The following PARD3 variants were observed in gnomAD, a reference collection of about 807,000 sequenced individuals.
PARD3 encodes partitioning defective 3 homolog.
Under a neutral mutation model 155.4 loss-of-function variants are expected in PARD3, and 75 were observed. The observed-to-expected ratio is 0.48, with a 90% CI of 0.40 to 0.58. The LOEUF is 0.58. Among genes scored for constraint, PARD3 ranks in the 20% least tolerant of loss-of-function variants. PARD3 has a pLI of 0.00. For synonymous variants in PARD3, 576 were observed against 610.5 expected (o/e 0.94, Z 0.83); for missense variants, 1,642 against 1,721.7 (o/e 0.95, Z 0.82).
chr10:34,802,927 T>G (rs1842949222), intron 1 of PARD3, among the ~76,000 whole-genome samples: 1 of 151,846 alleles, frequency 6.6e-6, no homozygotes, highest in Non-Finnish European at 1.5e-5. Context: ...CAGGTGGTAT[T>G]AAAAGGTAGG....
At chr10:34,341,270 T>C (rs1293793978) in intron 16 of PARD3, among the ~76,000 whole-genome samples, 1 of 151,894 alleles carries the variant, frequency 6.6e-6, no homozygotes, top group Non-Finnish European at 1.5e-5. Flanking sequence ...TATCTAATTG[T>C]TGCCATCAAT....
chr10:34,623,433 T>C (rs755017909), intron 2 of PARD3, among the ~76,000 whole-genome samples: 4 of 152,228 alleles, frequency 2.6e-5, no homozygotes, highest in Admixed American at 1.3e-4. Context: ...AATAATTACG[T>C]TCAGTTTTAA....
At chr10:34,419,432 G>A (rs1845980056) in intron 5 of PARD3, among the ~76,000 whole-genome samples, 1 of 152,124 alleles carries the variant, frequency 6.6e-6, no homozygotes, top group African/African-American at 2.4e-5. Context: ...CAGGAGAATT[G>A]CTTGAACCCA....
rs1437516506 is a variant in PARD3, at chr10:34,593,261, C to CTA, written c.223-76103_223-76102insTA. Among the ~76,000 whole-genome samples, 13 of 152,286 alleles carry CTA rather than the reference C, an allele frequency of 8.5e-5. No individual in the cohort carries two copies. The South Asian group carries it at 2.5e-3, about 29-fold the overall frequency. On this transcript the variant is annotated intron_variant, in intron 2 of 24. Coordinates refer to ENST00000374788, the MANE Select transcript of PARD3 (RefSeq NM_001184785.2). ...ATTCTGCACCTGCTTGAAAATAAAA[C>CTA]ATTAGAACTAAATATATACATCTGT...
intron 3 of PARD3, among the ~76,000 whole-genome samples, chr10:34,511,224 A>G (rs1332770978): frequency 6.6e-6 from 1 of 152,226 alleles, no homozygotes; most frequent in East Asian, 1.9e-4. Flanking sequence ...ACTTGGATTT[A>G]GAAGTCTGAT....
chr10:34,472,596 A>C (rs1043969049), intron 3 of PARD3, among the ~76,000 whole-genome samples: 1 of 152,162 alleles, frequency 6.6e-6, no homozygotes, highest in Non-Finnish European at 1.5e-5. Flanking sequence ...TTAGTTATTC[A>C]GTTGTTAGGT....
intron 5 of PARD3, among the ~76,000 whole-genome samples, chr10:34,407,275 G>A (rs945618024): frequency 2.0e-5 from 3 of 152,180 alleles, no homozygotes; most frequent in Admixed American, 2.0e-4. Flanking sequence ...GCCTGGCATT[G>A]GATTGACAGT....
At position 34,336,166 on chromosome 10, in the gene PARD3, T is replaced by C. The variant is rs764420512; in HGVS notation, c.2605+33A>G. On this transcript the variant is annotated intron_variant, in intron 18 of 24. Coordinates refer to ENST00000374788, the MANE Select transcript of PARD3 (RefSeq NM_001184785.2). ...TGTGATAAGCTATGTGGGCCATCGTTTCTATGGCAACAGTCTAACTGTCCA... is the reference window on the plus strand; with the variant it reads ...TGTGATAAGCTATGTGGGCCATCGTCTCTATGGCAACAGTCTAACTGTCCA... 3 of 1,566,818 alleles carry C rather than the reference T, an allele frequency of 1.9e-6. No individual in the cohort carries two copies. In the East Asian group the frequency reaches 6.7e-5, roughly 35 times the overall value.
intron 9 of PARD3, among the ~76,000 whole-genome samples, chr10:34,378,739 G>A (rs1841513969): frequency 6.6e-6 from 1 of 152,046 alleles, no homozygotes; most frequent in East Asian, 1.9e-4. Context: ...CCCAAACAAG[G>A]CAAATTACTC....
intron 22 of PARD3, among the ~76,000 whole-genome samples, chr10:34,263,637 T>G (rs1459897891): frequency 6.6e-6 from 1 of 151,744 alleles, no homozygotes; most frequent in Non-Finnish European, 1.5e-5. Flanking sequence ...GGTGACAGAG[T>G]GAGACCCTGT....
At chr10:34,724,482 G>A (rs2094665025) in intron 1 of PARD3, among the ~76,000 whole-genome samples, 1 of 152,074 alleles carries the variant, frequency 6.6e-6, no homozygotes, top group Non-Finnish European at 1.5e-5. Context: ...AAACTTGCTA[G>A]TAAAAAAATT....
At chr10:34,385,272 C>A (rs1343041896) in intron 7 of PARD3, among the ~76,000 whole-genome samples, 1 of 151,962 alleles carries the variant, frequency 6.6e-6, no homozygotes, top group Non-Finnish European at 1.5e-5. Flanking sequence ...TAGCTGGGAT[C>A]ACAGGCATGC....
At chr10:34,645,725 T>C (rs988330997) in intron 2 of PARD3, among the ~76,000 whole-genome samples, 6 of 152,194 alleles carry the variant, frequency 3.9e-5, no homozygotes, top group African/African-American at 1.4e-4. Flanking sequence ...TCTCTGCAGG[T>C]GCCTGTTCTC....
chr10:34,501,095 G>GGCC (rs2080668764), intron 3 of PARD3, among the ~76,000 whole-genome samples: 1 of 151,962 alleles, frequency 6.6e-6, no homozygotes, highest in Admixed American at 6.6e-5. Context: ...GCCCCATATG[G>GGCC]CTCACCTAAA....
intron 2 of PARD3, among the ~76,000 whole-genome samples, chr10:34,671,118 C>T (rs2093603240): frequency 6.6e-6 from 1 of 152,192 alleles, no homozygotes; most frequent in Non-Finnish European, 1.5e-5. Flanking sequence ...GCCTTCAAAT[C>T]AAAAGAAATA....
chr10:34,694,306 A>T (rs1265343346), intron 2 of PARD3, among the ~76,000 whole-genome samples: 1 of 152,084 alleles, frequency 6.6e-6, no homozygotes, highest in African/African-American at 2.4e-5. Context: ...AGTTGCCTTG[A>T]GTGTTGGAAT....
chr10:34,564,442 G>C (rs1384994990), intron 2 of PARD3, among the ~76,000 whole-genome samples: 1 of 152,080 alleles, frequency 6.6e-6, no homozygotes, highest in Non-Finnish European at 1.5e-5. Flanking sequence ...TCCATTTCAG[G>C]ATTTGCTTAG....
intron 21 of PARD3, among the ~76,000 whole-genome samples, chr10:34,275,716 G>A (rs1026762153): frequency 2.0e-5 from 3 of 152,268 alleles, no homozygotes; most frequent in African/African-American, 4.8e-5. Context: ...CATGTTTGGT[G>A]TCCTCATAAA....
intron 1 of PARD3, among the ~76,000 whole-genome samples, chr10:34,784,124 T>C (rs1405234723): frequency 1.3e-5 from 2 of 152,018 alleles, no homozygotes; most frequent in Non-Finnish European, 1.5e-5. Context: ...GGCAGGAGGA[T>C]TGCTAGAGCT....
Sources: gnomAD v4.1 joint callset for allele counts (sites outside exome capture counted in the v4.1 genomes callset) on GRCh38, gnomAD v4.1.1 for gene constraint, MANE v1.5 for transcripts, NCBI Gene and HGNC (gene_info 2026-07-23, HGNC 2026-07-21) for gene names.